Variants in PRDM5 observed in about 807,000 individuals in gnomAD.
PRDM5 encodes the protein PR/SET domain 5, also known as PR domain zinc finger protein 5.
Under a neutral mutation model 81.2 loss-of-function variants are expected in PRDM5, and 56 were observed. That is an observed-to-expected ratio of 0.69 (90% CI 0.56 to 0.86). The LOEUF (loss-of-function observed/expected upper bound fraction) is 0.86. PRDM5 is among the 40% of genes least tolerant of loss of function. The probability of loss-of-function intolerance (pLI) is 0.00; values close to 1 mark genes in which losing one functional copy is unlikely to be tolerated. For synonymous variants in PRDM5, 267 were observed against 256.4 expected, an observed-to-expected ratio of 1.04 and a Z score of -0.39; for missense variants, 697 against 770.1, an observed-to-expected ratio of 0.91 and a Z score of 1.12.
chr4:120,880,073 T>A (rs1158569143), intron 2 of PRDM5, among the ~76,000 whole-genome samples: 1 of 152,174 alleles, frequency 6.6e-6, no homozygotes, highest in Non-Finnish European at 1.5e-5. Flanking sequence ...TGTACTGCAC[T>A]AATGTAAGAT....
intron 8 of PRDM5, among the ~76,000 whole-genome samples, chr4:120,809,315 CACA>C (rs1275904510): frequency 1.3e-5 from 2 of 151,978 alleles, no homozygotes; most frequent in Admixed American, 6.5e-5. Flanking sequence ...ATGGGTGCAG[CACA>C]ACAACATGGC....
intron 11 of PRDM5, 93 bp downstream of exon 11, chr4:120,784,905 G>A (rs977522458): frequency 2.0e-6 from 2 of 990,580 alleles, no homozygotes; most frequent in Non-Finnish European, 3.1e-6. Flanking sequence ...AATACTTATA[G>A]GCACACCTCT....
At chr4:120,737,214 G>C (rs190325241) in intron 14 of PRDM5, among the ~76,000 whole-genome samples, 2 of 152,296 alleles carry the variant, frequency 1.3e-5, no homozygotes, top group East Asian at 3.9e-4. Context: ...CAGATGACAA[G>C]AATGGTCCAG....
At chr4:120,826,507 A>C (rs944572137) in intron 3 of PRDM5, among the ~76,000 whole-genome samples, 2 of 152,024 alleles carry the variant, frequency 1.3e-5, no homozygotes, top group Admixed American at 6.6e-5. Flanking sequence ...TGTTGCTTTT[A>C]CCTCCCCAAA....
intron 3 of PRDM5, among the ~76,000 whole-genome samples, chr4:120,832,871 A>C (rs1419598580): frequency 6.6e-6 from 1 of 152,150 alleles, no homozygotes; most frequent in Non-Finnish European, 1.5e-5. Context: ...TTTAAAAAAG[A>C]TTAGACAAGT....
At chr4:120,723,666 A>C (rs1264165675) in intron 14 of PRDM5, among the ~76,000 whole-genome samples, 4 of 152,112 alleles carry the variant, frequency 2.6e-5, no homozygotes, top group African/African-American at 9.6e-5. Flanking sequence ...AATATAGAAG[A>C]TATACAGAAA....
chr4:120,793,271 TTA>T (rs1374222463), intron 10 of PRDM5, among the ~76,000 whole-genome samples: 4 of 152,168 alleles, frequency 2.6e-5, no homozygotes, highest in African/African-American at 9.7e-5. Flanking sequence ...TGCATGCTCC[TTA>T]TGAGAATCTA....
At chr4:120,707,545 T>C (rs1219223710) in intron 15 of PRDM5, among the ~76,000 whole-genome samples, 1 of 150,190 alleles carries the variant, frequency 6.7e-6, no homozygotes, top group African/African-American at 2.4e-5. Context: ...GCTAAAACTA[T>C]AAGACTCTTA....
At chr4:120,846,401 A>G (rs1758655964) in intron 3 of PRDM5, among the ~76,000 whole-genome samples, 1 of 152,258 alleles carries the variant, frequency 6.6e-6, no homozygotes, top group Non-Finnish European at 1.5e-5. Flanking sequence ...CTGATCAATC[A>G]GCAGCCATCA....
intron 3 of PRDM5, among the ~76,000 whole-genome samples, chr4:120,822,160 T>A (rs1333281982): frequency 6.6e-6 from 1 of 152,194 alleles, no homozygotes; most frequent in South Asian, 2.1e-4. Context: ...ACAAAAGCCA[T>A]GCTGGGCCTT....
At chr4:120,723,376 A>G (rs1738900617) in intron 14 of PRDM5, among the ~76,000 whole-genome samples, 1 of 152,234 alleles carries the variant, frequency 6.6e-6, no homozygotes, top group Admixed American at 6.5e-5. Flanking sequence ...TCCTTGAAAG[A>G]AAAGGAATGC....
At chr4:120,751,907 A>G (rs1373156397) in intron 14 of PRDM5, among the ~76,000 whole-genome samples, 1 of 152,200 alleles carries the variant, frequency 6.6e-6, no homozygotes, top group Non-Finnish European at 1.5e-5. Context: ...TGAATTAGAT[A>G]GCTTATTTTT....
At chr4:120,852,803 C>CTT (rs11383705) in intron 3 of PRDM5, among the ~76,000 whole-genome samples, 2,306 of 138,676 alleles carry the variant, frequency 0.017, 59 homozygotes, top group Middle Eastern at 0.053. Context: ...TATATCCTTT[C>CTT]TTTTTTTTTT....
chr4:120,833,527 AC>A (rs1396067769), intron 3 of PRDM5, among the ~76,000 whole-genome samples: 1 of 152,176 alleles, frequency 6.6e-6, no homozygotes, highest in African/African-American at 2.4e-5. Context: ...AGAAAAAAAA[AC>A]ATTAATATGC....
intron 13 of PRDM5, among the ~76,000 whole-genome samples, chr4:120,762,027 A>G (rs762977858): frequency 3.3e-5 from 5 of 152,180 alleles, no homozygotes; most frequent in African/African-American, 4.8e-5. Context: ...GCAAAGCTTA[A>G]TATGTAATAT....
At chr4:120,715,630 T>C (rs986019112) in intron 14 of PRDM5, among the ~76,000 whole-genome samples, 2 of 152,222 alleles carry the variant, frequency 1.3e-5, no homozygotes, top group Non-Finnish European at 2.9e-5. Context: ...GCTTGTATTA[T>C]ATCCAAATAT....
At chr4:120,748,978 C>T (rs1367779675) in intron 14 of PRDM5, among the ~76,000 whole-genome samples, 1 of 152,098 alleles carries the variant, frequency 6.6e-6, no homozygotes, top group Non-Finnish European at 1.5e-5. Context: ...CTTTTATCAG[C>T]TCCTGGGCAG....
chr4:120,708,609 C>T (rs1736524469), intron 15 of PRDM5, among the ~76,000 whole-genome samples: 1 of 152,160 alleles, frequency 6.6e-6, no homozygotes, highest in Non-Finnish European at 1.5e-5. Context: ...GAACTGCTCA[C>T]ATTAAAATGA....
At chr4:120,877,363 C>G (rs988156725) in intron 2 of PRDM5, among the ~76,000 whole-genome samples, 1 of 152,322 alleles carries the variant, frequency 6.6e-6, no homozygotes, top group African/African-American at 2.4e-5. Context: ...CAAAGTAACA[C>G]TTATTTAGCC....
Sources: allele counts gnomAD v4.1 joint callset (sites outside exome capture counted in the v4.1 genomes callset), GRCh38; gene constraint gnomAD v4.1.1; transcripts MANE v1.5; gene names NCBI Gene and HGNC (gene_info 2026-07-23, HGNC 2026-07-21).